Variants in NPEPL1 observed in about 807,000 individuals in gnomAD.
NPEPL1 encodes the protein aminopeptidase like 1, also known as probable aminopeptidase NPEPL1.
NPEPL1 carries 45 observed loss-of-function variants against 52.4 expected under a neutral mutation model. The observed-to-expected ratio is 0.86, with a 90% confidence interval of 0.68 to 1.10. The LOEUF is 1.10. NPEPL1 is among the 50% of genes least tolerant of loss of function. The probability of loss-of-function intolerance (pLI) is 0.00; values close to 1 mark genes in which losing one functional copy is unlikely to be tolerated. For synonymous variants in NPEPL1, 360 were observed against 314.7 expected, an observed-to-expected ratio of 1.14 and a Z score of -1.52; for missense variants, 696 against 710.9, an observed-to-expected ratio of 0.98 and a Z score of 0.24.
chr20:58,690,837 C>T (rs555817901), upstream of NPEPL1, among the ~76,000 whole-genome samples: 40 of 152,338 alleles, frequency 2.6e-4, no homozygotes, highest in Non-Finnish European at 4.6e-4. Context: ...TCATTTCCAA[C>T]TCCTTGTACA....
chr20:58,702,770 C>T (rs1424088669), intron 6 of NPEPL1, among the ~76,000 whole-genome samples: 1 of 152,182 alleles, frequency 6.6e-6, no homozygotes, highest in Non-Finnish European at 1.5e-5. Context: ...GCTCCAATCT[C>T]GTGAGGCAAC....
intron 10 of NPEPL1, 187 bp from the exon 11 acceptor site, chr20:58,714,373 A>G: frequency 1.7e-6 from 1 of 599,388 alleles, no homozygotes; most frequent in Non-Finnish European, 2.9e-6. Flanking sequence ...CCCTTGGCCT[A>G]TGGTGGGGGC....
Position 58,697,751 on chromosome 20 carries a change from G to A in NPEPL1, c.508-933G>A, listed in dbSNP as rs1447628555. On this transcript the variant is annotated intron_variant, in intron 3 of 11. Coordinates refer to ENST00000356091, the MANE Select transcript of NPEPL1 (RefSeq NM_024663.4). Reference sequence around the variant, plus strand: ...GGAACAGGGTGGGGAAGGGGTGCCCGCAGATTCAGCTGAGAGAGAGTGAAG... The same window carrying A: ...GGAACAGGGTGGGGAAGGGGTGCCCACAGATTCAGCTGAGAGAGAGTGAAG... Among the ~76,000 whole-genome samples the A allele has an allele frequency of 2.6e-5, 4 of 152,236 alleles. No individual in the cohort carries two copies. The East Asian group carries it at 7.7e-4, about 29-fold the overall frequency.
chr20:58,698,170 A>G (rs1394455982), intron 3 of NPEPL1, among the ~76,000 whole-genome samples: 2 of 152,114 alleles, frequency 1.3e-5, no homozygotes, highest in Non-Finnish European at 2.9e-5. Flanking sequence ...CTCAGGATGT[A>G]GAGTGCTTCT....
Position 58,715,261 on chromosome 20 carries a change from G to A in NPEPL1, c.1507G>A (p.Gly503Ser), listed in dbSNP as rs2084930405. The change falls in exon 12 of 12, where the codon GGC (glycine) becomes AGC (serine). Residue 503 changes from glycine (G) to serine (S), a missense_variant. Transcript: ENST00000356091. ...TCTGCTGAACCTGGTGTCCCCACTG[G>A]GCTGTGAGGTGGATGTCGAGGAGGG... ...DPLLNLVSPL[G>S]CEVDVEEGDL... 7 of 1,611,180 alleles carry A rather than the reference G, an allele frequency of 4.3e-6. No individual in the cohort carries two copies. Among genetic ancestry groups the A allele is most frequent in the Non-Finnish European group, 5.1e-6 (6 of 1,179,338 alleles).
At chr20:58,712,682 C>A in intron 8 of NPEPL1, 103 bp downstream of exon 8, 1 of 851,358 alleles carries the variant, frequency 1.2e-6, no homozygotes, top group Admixed American at 1.8e-5. Context: ...GGGCACTCAG[C>A]GTTGGGGTCC....
At chr20:58,702,663 A>G (rs906891723) in intron 6 of NPEPL1, among the ~76,000 whole-genome samples, 7 of 152,096 alleles carry the variant, frequency 4.6e-5, no homozygotes, top group Non-Finnish European at 8.8e-5. Flanking sequence ...ATTTAAATTG[A>G]TCTTCTTTAC....
At chr20:58,691,183 C>G (rs1466584821), upstream of NPEPL1, 18 of 702,798 alleles carry the variant, frequency 2.6e-5, no homozygotes, top group East Asian at 1.6e-4. Context: ...CTGTCTGCAA[C>G]GTATTTGCAA....
At chr20:58,695,674 C>T (rs748494297) in intron 3 of NPEPL1, among the ~76,000 whole-genome samples, 1 of 152,220 alleles carries the variant, frequency 6.6e-6, no homozygotes, top group African/African-American at 2.4e-5. Context: ...TCACTGTGTG[C>T]TCTCTGAGGC....
rs1259804167 is a variant in NPEPL1, at chr20:58,713,938, C to T, written c.1147C>T (p.His383Tyr). 2.7e-6 allele frequency: 4 copies of T among 1,495,350 alleles called. No homozygotes were observed. The highest frequency in any genetic ancestry group is 2.9e-5 in the African/African-American group (2 of 69,896). 92.6% of individuals were successfully genotyped at this position (1,495,350 alleles called of 1,614,324 possible). The change falls in exon 10 of 12, where the codon CAC becomes TAC. Residue 383 changes from histidine to tyrosine, a missense_variant. Physicochemically the swap from His to Tyr is moderately conservative, Grantham distance 83. Coordinates refer to ENST00000356091, the MANE Select transcript of NPEPL1 (RefSeq NM_024663.4). This position sits in a 1 kb window ranked among gnomAD's most constrained non-coding sequence, Gnocchi z 4.6. ...GAQGIATGKY[H>Y]AAVLTNSAEW... ...CCAGGGCATTGCCACAGGGAAGTAC[C>T]ACGCCGCGGTGCTCACCAACAGCGC... is the stretch of plus-strand genomic sequence containing the variant.
rs2084405480 is a variant in NPEPL1, at chr20:58,693,876, G to C, written c.290G>C (p.Arg97Pro). ...CCCTCGGCCGCCCACTTCATCACGC[G>C]GCTGGTGCGGACCTGCCTGCCGCCC... The part of the protein sequence containing the change: ...NSPSAAHFIT[R>P]LVRTCLPPGA... The change falls in exon 2 of 12, where the codon CGG (arginine) becomes CCG (proline). Residue 97 changes from arginine to proline, a missense_variant. Transcript: ENST00000356091. 6.2e-7 allele frequency: 1 copy of C among 1,612,928 alleles called. No individual in the cohort carries two copies. The highest frequency in any genetic ancestry group is 8.5e-7 in the Non-Finnish European group (1 of 1,179,550).
chr20:58,710,324 G>C (rs6026465), intron 7 of NPEPL1, among the ~76,000 whole-genome samples: 48,770 of 152,098 alleles, frequency 0.32, 11,599 homozygotes, highest in African/African-American at 0.67. Context: ...ATGGGCCACT[G>C]CTCCTGGCTG....
At position 58,714,081 on chromosome 20, in the gene NPEPL1, G is replaced by A; in HGVS notation, c.1290G>A (p.Lys430=). 1.3e-6 allele frequency: 2 copies of A among 1,549,388 alleles called. No individual in the cohort carries two copies. The highest frequency in any genetic ancestry group is 1.7e-6 in the Non-Finnish European group (2 of 1,148,692). The part of the protein sequence containing the change: ...SEFTSAVADM[K]NSVADRDNSP... The stretch of plus-strand genomic sequence containing the variant: ...TCACCTCAGCTGTGGCGGACATGAA[G>A]AACTCAGTGGCGGTAGGTTTGGAGC... The change falls in exon 10 of 12, where the codon AAG becomes AAA. Residue 430 remains lysine, a synonymous_variant. Transcript: ENST00000356091.
upstream of NPEPL1, chr20:58,691,100 C>G (rs1196466648): frequency 8.5e-6 from 6 of 703,032 alleles, no homozygotes; most frequent in Non-Finnish European, 1.6e-5. Context: ...TTACATCTGT[C>G]AGGGCATGGC....
Position 58,714,021 on chromosome 20 carries a change from G to A in NPEPL1, c.1230G>A (p.Pro410=), listed in dbSNP as rs374053716. Residue 410 remains proline (P), a synonymous_variant, in exon 10 of 12, where the codon CCG becomes CCA. Coordinates refer to ENST00000356091, the MANE Select transcript of NPEPL1 (RefSeq NM_024663.4). ...GGAAGTGTGGGGACCTGGTGCACCC[G>A]CTGGTCTACTGCCCCGAGCTGCACT... ...AGRKCGDLVH[P]LVYCPELHFS... The A allele has an allele frequency of 7.8e-6, 12 of 1,528,994 alleles. No individual in the cohort carries two copies. Among genetic ancestry groups the A allele is most frequent in the Middle Eastern group, 1.8e-4 (1 of 5,672 alleles). 94.7% of individuals were successfully genotyped at this position (1,528,994 alleles called of 1,614,324 possible).
chr20:58,707,202 T>G lies in NPEPL1; in HGVS notation c.900+2T>G, dbSNP rs2084753498. 2 of 1,549,382 alleles carry G rather than the reference T, an allele frequency of 1.3e-6. No homozygotes were observed. Among genetic ancestry groups the G allele is most frequent in the Non-Finnish European group, 8.7e-7 (1 of 1,146,546 alleles). ...GCCTTCAGAGCCGCAATCAAGCAGG[T>G]GAGTGGGCCCTGCCCGCCCTCTGCA... On this transcript the variant is annotated splice_donor_variant, in intron 7 of 11. Transcript: ENST00000356091. LOFTEE classifies it high-confidence loss of function.
rs6026468 is a variant in NPEPL1, at chr20:58,715,291, C to T, written c.1537C>T (p.Leu513=). The T allele has an allele frequency of 1.2e-6, 2 of 1,609,880 alleles. No homozygotes were observed. Among genetic ancestry groups the T allele is most frequent in the Non-Finnish European group, 1.7e-6 (2 of 1,178,408 alleles). The change falls in exon 12 of 12, where the codon CTG becomes TTG. Residue 513 remains leucine (L), a synonymous_variant. Coordinates refer to ENST00000356091, the MANE Select transcript of NPEPL1 (RefSeq NM_024663.4). ...GCEVDVEEGD[L]GRDSKRRRLV ...TGAGGTGGATGTCGAGGAGGGGGAC[C>T]TGGGGAGGGACTCCAAGAGACGCAG...
Position 58,712,583 on chromosome 20 carries a change from C to T in NPEPL1, c.1001+4C>T, listed in dbSNP as rs117674884. 45 of 1,600,504 alleles carry T rather than the reference C, an allele frequency of 2.8e-5. No homozygotes were observed. Among genetic ancestry groups the T allele is most frequent in the South Asian group, 1.5e-4 (14 of 90,818 alleles). On this transcript the variant is annotated splice_donor_region_variant and intron_variant, in intron 8 of 11. Transcript: ENST00000356091. ...TCCACCTGCTGTACTCAGGGAAGTA[C>T]GTCTGGCCCTCCCACTCCTTCCTGC...
chr20:58,701,686 G>T (rs776882791), intron 6 of NPEPL1, among the ~76,000 whole-genome samples: 1 of 152,140 alleles, frequency 6.6e-6, no homozygotes, highest in African/African-American at 2.4e-5. Flanking sequence ...GAAGGGCAAG[G>T]GGACGCCTGT....
Sources: gnomAD v4.1 joint callset for allele counts (sites outside exome capture counted in the v4.1 genomes callset) on GRCh38, gnomAD v4.1.1 for gene constraint, Gnocchi (gnomAD v3.1) non-coding constraint, MANE v1.5 for transcripts, NCBI Gene and HGNC (gene_info 2026-07-23, HGNC 2026-07-21) for gene names.